Variants in IL31RA observed in about 807,000 individuals in gnomAD.
IL31RA encodes interleukin 31 receptor A.
IL31RA carries 66 observed loss-of-function variants against 83.7 expected under a neutral mutation model. The ratio of observed to expected loss-of-function variants is 0.79; its 90% confidence interval spans 0.65 to 0.97. The LOEUF is 0.97. Among genes scored for constraint, IL31RA ranks in the 50% least tolerant of loss-of-function variants. IL31RA has a pLI of 0.00. For missense variants in IL31RA, 798 were observed against 919.4 expected, an observed-to-expected ratio of 0.87 and a Z score of 1.71; for synonymous variants, 325 against 329.0, an observed-to-expected ratio of 0.99 and a Z score of 0.13.
rs995212921 is a variant in IL31RA at position 55,917,615 on chromosome 5, G to T, written c.*495G>T. 2.6e-5 allele frequency among the ~76,000 whole-genome samples: 4 copies of T among 152,216 alleles called. No individual in the cohort carries two copies. The highest frequency in any genetic ancestry group is 9.7e-5 in the African/African-American group (4 of 41,450). ...TCTTCCCCTACAAGGTAGCCCTGAA[G>T]CCTTCCTCTCTCCCCATAGTTGGGG... is the stretch of plus-strand genomic sequence containing the variant. On this transcript the variant is annotated 3_prime_UTR_variant, in exon 15 of 15. Coordinates refer to ENST00000652347, the MANE Select transcript of IL31RA (RefSeq NM_139017.7).
At chr5:55,873,832 C>A (rs972570635) in intron 4 of IL31RA, among the ~76,000 whole-genome samples, 2 of 151,962 alleles carry the variant, frequency 1.3e-5, no homozygotes, top group Non-Finnish European at 2.9e-5. Context: ...AATATTTCCT[C>A]CCTGTTTGTG....
In IL31RA at chr5:55,917,202, C is replaced by T; in HGVS notation, c.*82C>T. 3 of 1,604,852 alleles carry T rather than the reference C, an allele frequency of 1.9e-6. No homozygotes were observed. The highest frequency in any genetic ancestry group is 1.7e-6 in the Non-Finnish European group (2 of 1,179,716). ...AGATGTCAAGACTCGGCACGCAGCG[C>T]TTGCTTGGCCCTGCCACATCCTGCC... On this transcript the variant is annotated 3_prime_UTR_variant, in exon 15 of 15. Coordinates refer to ENST00000652347, the MANE Select transcript of IL31RA (RefSeq NM_139017.7).
chr5:55,908,566 G>C, intron 11 of IL31RA, 155 bp downstream of exon 11: 1 of 1,560,572 alleles, frequency 6.4e-7, no homozygotes, highest in Non-Finnish European at 8.7e-7. Context: ...ATGGGGCCAA[G>C]AGCACCCACC....
chr5:55,896,510 C>A, intron 7 of IL31RA, 81 bp downstream of exon 7: 1 of 837,818 alleles, frequency 1.2e-6, no homozygotes, highest in Non-Finnish European at 2.0e-6. Flanking sequence ...CCCTCCCTTC[C>A]ATCCCTTCCA....
chr5:55,861,245 C>A (rs932706658), intron 2 of IL31RA, among the ~76,000 whole-genome samples: 1 of 152,188 alleles, frequency 6.6e-6, no homozygotes, highest in African/African-American at 2.4e-5. Context: ...CCTGCCTTAG[C>A]CCCTTGGGGT....
At position 55,913,800 on chromosome 5, in the gene IL31RA, C is replaced by G. The variant is rs72763889; in HGVS notation, c.1736+230C>G. Among the ~76,000 whole-genome samples the G allele has an allele frequency of 6.5e-3, 987 of 152,316 alleles. 3 individuals are homozygous for G. Among genetic ancestry groups the G allele is most frequent in the Non-Finnish European group, 0.011 (744 of 68,022 alleles). ...CAGAGCTCCATGCCCAGGTCTAGGC[C>G]TTTTTGAGGCCAGGAGAGTGCCAGC... On this transcript the variant is annotated intron_variant, in intron 13 of 14. Transcript: ENST00000652347.
chr5:55,870,253 C>G (rs1469231174), intron 3 of IL31RA, among the ~76,000 whole-genome samples: 1 of 152,166 alleles, frequency 6.6e-6, no homozygotes, highest in Admixed American at 6.5e-5. Context: ...TCACACGCCC[C>G]AAAGTATTTT....
chr5:55,914,154 G>T (rs529711693), intron 13 of IL31RA, among the ~76,000 whole-genome samples: 1 of 152,258 alleles, frequency 6.6e-6, no homozygotes, highest in Admixed American at 6.5e-5. Flanking sequence ...CACCCTAATG[G>T]TCCTCCCCTG....
intron 8 of IL31RA, among the ~76,000 whole-genome samples, chr5:55,901,968 T>G (rs1748847366): frequency 6.6e-6 from 1 of 152,224 alleles, no homozygotes; most frequent in Non-Finnish European, 1.5e-5. Context: ...TAGACACAGA[T>G]TATCGACTTT....
In IL31RA at chr5:55,867,228, TG is replaced by T. The variant is rs1746189060; in HGVS notation, c.155-1562del. Among the ~76,000 whole-genome samples the T allele has an allele frequency of 4.1e-5, 5 of 122,712 alleles. No individual in the cohort carries two copies. The South Asian group carries it at 1.0e-3, about 26-fold the overall frequency. The allele number at this position is 122,712 out of a possible 152,430, so 80.5% of individuals were successfully genotyped here. On this transcript the variant is annotated intron_variant, in intron 2 of 14. Transcript: ENST00000652347. The stretch of plus-strand genomic sequence containing the variant: ...GTGTGTGCGCATGTGTGTTTGTGTG[TG>T]TGTTTGTGTGTGTGTTTGTGTGTGC...
Position 55,916,913 on chromosome 5 carries a change from G to T in IL31RA, c.2088G>T (p.Pro696=), listed in dbSNP as rs760125178. ...FEELPVSPEI[P]PRKSQYLRSR... is the part of the protein sequence containing the mutation. ...AGCTCCCAGTTTCACCTGAGATTCC[G>T]CCCAGAAAATCCCAATACCTACGTT... Residue 696 remains proline (P), a synonymous_variant, in exon 15 of 15, where the codon CCG becomes CCT. Coordinates refer to ENST00000652347, the MANE Select transcript of IL31RA (RefSeq NM_139017.7). 1 of 1,614,052 alleles carries T rather than the reference G, an allele frequency of 6.2e-7. No homozygotes were observed. The highest frequency in any genetic ancestry group is 1.1e-5 in the South Asian group (1 of 91,080).
chr5:55,853,381 T>C (rs1021205982), intron 1 of IL31RA: 24 of 1,368,680 alleles, frequency 1.8e-5, no homozygotes, highest in Admixed American at 3.0e-5. Flanking sequence ...TGACTTGGGC[T>C]GGGCTTAAAA....
chr5:55,841,202 TATAAA>T, the IL31RA span, among the ~76,000 whole-genome samples: 4 of 152,344 alleles, frequency 2.6e-5, no homozygotes, highest in African/African-American at 9.6e-5. Context: ...TGTGCTATAT[TATAAA>T]ATAAAACTTG....
chr5:55,917,105 C>T lies in IL31RA; in HGVS notation c.2280C>T (p.Thr760=), dbSNP rs1055098900. The change falls in exon 15 of 15, where the codon ACC becomes ACT. Residue 760 remains threonine (T), a synonymous_variant. Coordinates refer to ENST00000652347, the MANE Select transcript of IL31RA (RefSeq NM_139017.7). Reference sequence around the variant, plus strand: ...TGTCTGAAAAACTTCCAGAGCACACCAAGGGAGAAGTCTAAATGCGACCAT... The same window carrying T: ...TGTCTGAAAAACTTCCAGAGCACACTAAGGGAGAAGTCTAAATGCGACCAT... ...FLVSEKLPEH[T]KGEV The T allele has an allele frequency of 2.5e-6, 4 of 1,613,992 alleles. No homozygotes were observed. Among genetic ancestry groups the T allele is most frequent in the Admixed American group, 1.7e-5 (1 of 59,994 alleles).
chr5:55,896,496 C>T, intron 7 of IL31RA, 67 bp downstream of exon 7: 1 of 971,828 alleles, frequency 1.0e-6, no homozygotes, highest in Non-Finnish European at 1.6e-6. Flanking sequence ...CCCTTCCCTC[C>T]CTTCCCTCCC....
rs1745055751 is a variant in IL31RA, at chr5:55,851,376, G to A, written c.-195G>A. ...TGAGGCACAGCCTCCTTCTGCTTAG[G>A]AACACCAGACAGCACTCCAGCACTC... On this transcript the variant is annotated 5_prime_UTR_variant, in exon 1 of 15. Transcript: ENST00000652347. 1.1e-6 allele frequency: 1 copy of A among 870,540 alleles called. No homozygotes were observed. Among genetic ancestry groups the A allele is most frequent in the Non-Finnish European group, 1.8e-6 (1 of 562,940 alleles). The allele number at this position is 870,540 out of a possible 1,614,324, so 53.9% of individuals were successfully genotyped here. A position where few individuals can be genotyped will look rare whatever the true frequency, so the allele number is the denominator to read the frequency against.
chr5:55,893,931 C>G (rs1411207727), intron 6 of IL31RA, among the ~76,000 whole-genome samples: 1 of 151,688 alleles, frequency 6.6e-6, no homozygotes, highest in African/African-American at 2.4e-5. Context: ...CCCACCTCAG[C>G]CTCCCGAATA....
intron 4 of IL31RA, among the ~76,000 whole-genome samples, chr5:55,874,103 GT>G: frequency 6.6e-6 from 1 of 152,144 alleles, no homozygotes; most frequent in East Asian, 1.9e-4. Flanking sequence ...TCTTTTGCAT[GT>G]GGATATCCAG....
chr5:55,857,535 C>T (rs558454570), intron 1 of IL31RA, among the ~76,000 whole-genome samples: 1 of 152,282 alleles, frequency 6.6e-6, no homozygotes, highest in South Asian at 2.1e-4. Flanking sequence ...TTCCCACAGT[C>T]ATTAGCTCAT....
Sources: gnomAD v4.1 joint callset for allele counts (sites outside exome capture counted in the v4.1 genomes callset) on GRCh38, gnomAD v4.1.1 for gene constraint, MANE v1.5 for transcripts, NCBI Gene and HGNC (gene_info 2026-07-23, HGNC 2026-07-21) for gene names.